KIAA2012: variants seen among roughly 807,000 people sequenced by gnomAD.
KIAA2012 encodes the protein uncharacterized protein KIAA2012.
In KIAA2012, 125 loss-of-function variants were observed where a neutral mutation model predicts 150.6. The ratio of observed to expected loss-of-function variants is 0.83; its 90% CI spans 0.72 to 0.96. KIAA2012 has a LOEUF of 0.96. Among genes scored for constraint, KIAA2012 ranks in the 40% least tolerant of loss-of-function variants. KIAA2012 has a pLI of 0.00. For synonymous variants in KIAA2012, 462 were observed against 504.7 expected, an observed-to-expected ratio of 0.92 and a Z score of 1.13; for missense variants, 1,219 against 1,354.9, an observed-to-expected ratio of 0.90 and a Z score of 1.57.
At chr2:202,080,495 A>T (rs1689424087) in intron 2 of KIAA2012, among the ~76,000 whole-genome samples, 1 of 152,114 alleles carries the variant, frequency 6.6e-6, no homozygotes, top group African/African-American at 2.4e-5. Context: ...GAAGTTCAAG[A>T]CCGGCCTGAC....
intron 11 of KIAA2012, among the ~76,000 whole-genome samples, chr2:202,123,782 C>T (rs950937741): frequency 6.6e-6 from 1 of 152,152 alleles, no homozygotes; most frequent in African/African-American, 2.4e-5. Flanking sequence ...TTCTAGGATT[C>T]CTTTTTTTCT....
At chr2:202,157,765 T>C (rs941462577) in intron 14 of KIAA2012, among the ~76,000 whole-genome samples, 1 of 152,182 alleles carries the variant, frequency 6.6e-6, no homozygotes, top group Admixed American at 6.6e-5. Flanking sequence ...CCATCTGTTA[T>C]AAAGCCTCAC....
rs955976137 is a variant in KIAA2012, at chr2:202,073,654, G to A, written c.27G>A (p.Arg9=). The part of the protein sequence containing the change: MFTLSLLS[R]GHGKLGQDKQ... ...TGTTCACGCTCTCCCTCCTGAGCCG[G>A]GGCCACGGGAAGCTGGGCCAGGACA... Residue 9 remains arginine (R), a synonymous_variant, in exon 1 of 24, where the codon CGG becomes CGA. Coordinates refer to ENST00000498697, the MANE Select transcript of KIAA2012 (RefSeq NM_001277372.4). 2.6e-6 allele frequency: 4 copies of A among 1,550,404 alleles called. No homozygotes were observed. The highest frequency in any genetic ancestry group is 3.5e-6 in the Non-Finnish European group (4 of 1,146,940).
chr2:202,143,427 A>G (rs1403160411), intron 13 of KIAA2012, among the ~76,000 whole-genome samples: 2 of 147,392 alleles, frequency 1.4e-5, no homozygotes, highest in Admixed American at 7.0e-5. Flanking sequence ...TAAGTCAACT[A>G]TGACTGCAAC....
chr2:202,136,690 G>A (rs1385198844), intron 12 of KIAA2012: 1 of 152,424 alleles, frequency 6.6e-6, no homozygotes, highest in East Asian at 1.9e-4. Context: ...GCGAGCTGCT[G>A]CACGCAGCCC....
At chr2:202,108,056 C>T (rs1690246905) in intron 9 of KIAA2012, among the ~76,000 whole-genome samples, 1 of 152,086 alleles carries the variant, frequency 6.6e-6, no homozygotes, top group South Asian at 2.1e-4. Context: ...TTTTTCATGG[C>T]AGTCTTCACA....
At position 202,105,918 on chromosome 2, in the gene KIAA2012, C is replaced by T. The variant is rs1193578728; in HGVS notation, c.1474+8C>T. On this transcript the variant is annotated splice_region_variant and intron_variant, in intron 9 of 23. Coordinates refer to ENST00000498697, the MANE Select transcript of KIAA2012 (RefSeq NM_001277372.4). Reference sequence around the variant, plus strand: ...ACACACTCTCACCTCAAGGTAGCTCCTCCCTCCCTCCAGCATCCCTCGGGA... The same window carrying T: ...ACACACTCTCACCTCAAGGTAGCTCTTCCCTCCCTCCAGCATCCCTCGGGA... The T allele has an allele frequency of 1.3e-6, 2 of 1,550,882 alleles. No homozygotes were observed. Among genetic ancestry groups the T allele is most frequent in the South Asian group, 1.2e-5 (1 of 84,064 alleles).
intron 22 of KIAA2012, chr2:202,201,957 C>A: frequency 1.5e-6 from 1 of 686,948 alleles, no homozygotes; most frequent in South Asian, 1.7e-5. Flanking sequence ...TGTTCGGAGC[C>A]ACTTCATGTC....
rs552867619 is a variant in KIAA2012, at chr2:202,078,723, G to T, written c.369+3548G>T. Among the ~76,000 whole-genome samples, 70 of 152,156 alleles carry T rather than the reference G, an allele frequency of 4.6e-4. 1 individual carries two copies. In the South Asian group the frequency reaches 0.014, roughly 30 times the overall value. ...TGCTTTCCAAGTATAATTCATTTAT[G>T]CTTTCTAATAATCCTGGGCATAAGT... On this transcript the variant is annotated intron_variant, in intron 2 of 23. Coordinates refer to ENST00000498697, the MANE Select transcript of KIAA2012 (RefSeq NM_001277372.4).
chr2:202,199,920 ATTTTTTTTTTTTTTTT>A (rs71025287), intron 22 of KIAA2012, among the ~76,000 whole-genome samples: 1 of 76,272 alleles, frequency 1.3e-5, no homozygotes, highest in Non-Finnish European at 2.3e-5. Context: ...GCCCCTCATA[ATTTTTTTTTTTTTTTT>A]TTTTTTTTTT....
At chr2:202,138,749 C>T (rs774953038) in intron 13 of KIAA2012, among the ~76,000 whole-genome samples, 2 of 152,178 alleles carry the variant, frequency 1.3e-5, no homozygotes, top group Non-Finnish European at 2.9e-5. Context: ...CAAGGTCTTT[C>T]CCTGACTTCT....
chr2:202,131,325 C>T (rs185989003), intron 12 of KIAA2012, among the ~76,000 whole-genome samples: 1 of 152,118 alleles, frequency 6.6e-6, no homozygotes, highest in East Asian at 1.9e-4. Context: ...ATTTTTAGTA[C>T]AGATGAGGTT....
At chr2:202,163,781 A>ATTTTTTTTTT (rs902559663) in intron 14 of KIAA2012, among the ~76,000 whole-genome samples, 1 of 106,358 alleles carries the variant, frequency 9.4e-6, no homozygotes, top group Non-Finnish European at 1.9e-5. Flanking sequence ...TATTCAGGGA[A>ATTTTTTTTTT]TTTTTTTTTT....
intron 3 of KIAA2012, 145 bp downstream of exon 3, chr2:202,091,074 C>A: frequency 9.1e-7 from 1 of 1,096,708 alleles, no homozygotes. Context: ...CTTGGTAGCC[C>A]ACAAGCCCCT....
chr2:202,086,244 C>G (rs1689569572), intron 2 of KIAA2012, among the ~76,000 whole-genome samples: 1 of 151,430 alleles, frequency 6.6e-6, no homozygotes, highest in Non-Finnish European at 1.5e-5. Flanking sequence ...GGTTCCTGTC[C>G]AGACTCAAAC....
At chr2:202,100,498 GAAGA>G in intron 7 of KIAA2012, 49 bp downstream of exon 7, 1 of 1,491,718 alleles carries the variant, frequency 6.7e-7, no homozygotes, top group Non-Finnish European at 9.0e-7. Flanking sequence ...AGAGAGGAGG[GAAGA>G]GAGAAAGTTT....
intron 13 of KIAA2012, among the ~76,000 whole-genome samples, chr2:202,148,105 AAGATTTACTTAT>A (rs1350219120): frequency 6.6e-6 from 1 of 152,236 alleles, no homozygotes; most frequent in Non-Finnish European, 1.5e-5. Context: ...ACTCACAGCT[AAGATTTACTTAT>A]AGTAGAAGCT....
intron 2 of KIAA2012, among the ~76,000 whole-genome samples, chr2:202,075,983 C>G (rs374869627): frequency 6.6e-6 from 1 of 152,252 alleles, no homozygotes; most frequent in African/African-American, 2.4e-5. Context: ...CCATCATGGA[C>G]GCCATAAGGC....
rs1196452874 is a variant in KIAA2012, at chr2:202,104,087, T to C, written c.1324+973T>C. 6.6e-6 allele frequency among the ~76,000 whole-genome samples: 1 copy of C among 152,114 alleles called. No individual in the cohort carries two copies. The highest frequency in any genetic ancestry group is 2.4e-5 in the African/African-American group (1 of 41,412). ...TGTTTGGACTTCTTACTGGAAAGAATGCCTAACGGTGGAGCTTAAAAGACC... is the reference window on the plus strand; with the variant it reads ...TGTTTGGACTTCTTACTGGAAAGAACGCCTAACGGTGGAGCTTAAAAGACC... On this transcript the variant is annotated intron_variant, in intron 8 of 23. Transcript: ENST00000498697. The surrounding 1 kb of genome is among the most constrained non-coding windows in gnomAD (Gnocchi z 4.3).
Sources: allele counts gnomAD v4.1 joint callset (sites outside exome capture counted in the v4.1 genomes callset), GRCh38; gene constraint gnomAD v4.1.1; non-coding constraint Gnocchi (gnomAD v3.1); transcripts MANE v1.5; gene names NCBI Gene and HGNC (gene_info 2026-07-23, HGNC 2026-07-21).